The following ATF3 variants were observed in gnomAD, a reference collection of about 807,000 sequenced individuals.
ATF3 encodes activating transcription factor 3.
Under a neutral mutation model 18.4 loss-of-function variants are expected in ATF3, and 10 were observed. That is an observed-to-expected ratio of 0.54 (90% confidence interval 0.34 to 0.92). The LOEUF is 0.92. Among genes scored for constraint, ATF3 ranks in the 40% least tolerant of loss-of-function variants. ATF3 has a pLI of 0.02. For synonymous variants in ATF3, 78 were observed against 87.9 expected, an observed-to-expected ratio of 0.89 and a Z score of 0.63; for missense variants, 183 against 222.3, an observed-to-expected ratio of 0.82 and a Z score of 1.12.
chr1:212,605,256 A>ACTTTG (rs1654588172), upstream of ATF3, among the ~76,000 whole-genome samples: 1 of 152,236 alleles, frequency 6.6e-6, no homozygotes, highest in South Asian at 2.1e-4. Flanking sequence ...CCAGAATCCA[A>ACTTTG]GTGCCTTCCA....
At chr1:212,610,592 T>G (rs946314793) in intron 1 of ATF3, among the ~76,000 whole-genome samples, 1 of 152,226 alleles carries the variant, frequency 6.6e-6, no homozygotes, top group Non-Finnish European at 1.5e-5. Context: ...CCAGCATCTG[T>G]GGCAGTGATG....
intron 1 of ATF3, among the ~76,000 whole-genome samples, chr1:212,600,772 A>G (rs560724838): frequency 6.6e-6 from 1 of 152,316 alleles, no homozygotes; most frequent in East Asian, 1.9e-4. Flanking sequence ...ATGGGCTGTG[A>G]GCACCTGGAA....
Position 212,618,297 on chromosome 1 carries a change from C to A in ATF3, c.348+63C>A. On this transcript the variant is annotated intron_variant, in intron 3 of 3. Transcript: ENST00000341491. This position sits in a 1 kb window ranked among gnomAD's most constrained non-coding sequence, Gnocchi z 4.4. ...GCCTGTCTTCACCAGCTTCATGTGG[C>A]TATCAGAAGAAGAGTTAGAAAACCC... 1 of 1,520,668 alleles carries A rather than the reference C, an allele frequency of 6.6e-7. No individual in the cohort carries two copies. Among genetic ancestry groups the A allele is most frequent in the Non-Finnish European group, 9.1e-7 (1 of 1,095,598 alleles). The allele number at this position is 1,520,668 out of a possible 1,614,324, so 94.2% of individuals were successfully genotyped here.
At chr1:212,581,287 G>C (rs754012848) in intron 1 of ATF3, among the ~76,000 whole-genome samples, 38 of 152,306 alleles carry the variant, frequency 2.5e-4, no homozygotes, top group Non-Finnish European at 5.0e-4. Context: ...TGGGGTTTCT[G>C]CTCGTATGCT....
chr1:212,618,410 C>A lies in ATF3; in HGVS notation c.348+176C>A. 1.4e-6 allele frequency: 1 copy of A among 721,828 alleles called. No homozygotes were observed. The allele number at this position is 721,828 out of a possible 1,614,324, so 44.7% of individuals were successfully genotyped here. On this transcript the variant is annotated intron_variant, in intron 3 of 3. Coordinates refer to ENST00000341491, the MANE Select transcript of ATF3 (RefSeq NM_001674.4). The surrounding 1 kb of genome is among the most constrained non-coding windows in gnomAD (Gnocchi z 4.4). ...AATGAGGAGGTGGCAAAGCAGTTAA[C>A]ACAATGGATGTGACGGTGGATGTAT...
At chr1:212,565,851 T>A (rs954629746) in intron 1 of ATF3, among the ~76,000 whole-genome samples, 1 of 152,186 alleles carries the variant, frequency 6.6e-6, no homozygotes, top group Non-Finnish European at 1.5e-5. Flanking sequence ...ATACCACTAG[T>A]CAGTGCTGTA....
At position 212,618,923 on chromosome 1, in the gene ATF3, G is replaced by T. The variant is rs1190454559; in HGVS notation, c.349-435G>T. 1.6e-6 allele frequency: 2 copies of T among 1,271,190 alleles called. No individual in the cohort carries two copies. The highest frequency in any genetic ancestry group is 3.7e-5 in the Admixed American group (2 of 53,788). The allele number at this position is 1,271,190 out of a possible 1,614,324, so 78.7% of individuals were successfully genotyped here. On this transcript the variant is annotated intron_variant, in intron 3 of 3. Transcript: ENST00000341491. The surrounding 1 kb of genome is among the most constrained non-coding windows in gnomAD (Gnocchi z 4.4). ...AAAAGTTCTGTTGATTGCTTCAGGG[G>T]ATCAGTGAAAATTAGGGAATTTTGT...
intron 1 of ATF3, among the ~76,000 whole-genome samples, chr1:212,571,326 T>C (rs1664475667): frequency 6.6e-6 from 1 of 152,210 alleles, no homozygotes; most frequent in Non-Finnish European, 1.5e-5. Context: ...TGATTATGAT[T>C]TGAGGTAAAT....
intron 1 of ATF3, among the ~76,000 whole-genome samples, chr1:212,572,587 T>C (rs942415707): frequency 5.9e-5 from 9 of 152,242 alleles, no homozygotes; most frequent in Non-Finnish European, 1.3e-4. Flanking sequence ...GGTTGAACAT[T>C]AGAATGATTT....
chr1:212,615,297 A>G (rs997080444), intron 2 of ATF3, 36 bp downstream of exon 2: 7 of 1,606,114 alleles, frequency 4.4e-6, no homozygotes, highest in African/African-American at 1.3e-5. Context: ...CTTTCGGCAC[A>G]TGTTTCGCTC....
chr1:212,585,874 T>G (rs1190616714), intron 1 of ATF3, among the ~76,000 whole-genome samples: 1 of 152,146 alleles, frequency 6.6e-6, no homozygotes, highest in Non-Finnish European at 1.5e-5. Flanking sequence ...TCCATGGTTG[T>G]TGCTCTTTGT....
upstream of ATF3, among the ~76,000 whole-genome samples, chr1:212,608,231 G>C (rs542026455): frequency 6.6e-6 from 1 of 152,290 alleles, no homozygotes; most frequent in Non-Finnish European, 1.5e-5. Context: ...GTATTTTCCT[G>C]AAGCTCCAGA....
intron 1 of ATF3, among the ~76,000 whole-genome samples, chr1:212,571,775 A>G (rs1664487247): frequency 2.1e-5 from 3 of 139,558 alleles, no homozygotes; most frequent in East Asian, 2.2e-4. Context: ...GCAGTGGTGC[A>G]ATCTCGGCCC....
At chr1:212,596,513 T>A (rs1664997619) in intron 1 of ATF3, among the ~76,000 whole-genome samples, 3 of 152,228 alleles carry the variant, frequency 2.0e-5, no homozygotes, top group Admixed American at 1.3e-4. Flanking sequence ...ACACAGACAG[T>A]GACTCAGGTG....
intron 1 of ATF3, among the ~76,000 whole-genome samples, chr1:212,571,117 T>G (rs575052105): frequency 4.1e-4 from 62 of 152,342 alleles, no homozygotes; most frequent in African/African-American, 1.2e-3. Context: ...CAAATTTTTG[T>G]CCACATTTGG....
intron 1 of ATF3, among the ~76,000 whole-genome samples, chr1:212,593,519 G>T (rs1176269636): frequency 6.6e-6 from 1 of 151,888 alleles, no homozygotes; most frequent in Non-Finnish European, 1.5e-5. Flanking sequence ...AGGGTGGCTT[G>T]AGCCCAGGCA....
At chr1:212,572,452 G>T (rs1043666565) in intron 1 of ATF3, among the ~76,000 whole-genome samples, 1 of 152,192 alleles carries the variant, frequency 6.6e-6, no homozygotes, top group Non-Finnish European at 1.5e-5. Flanking sequence ...CCGGGAGGCG[G>T]AGGTTGCAGT....
intron 1 of ATF3, among the ~76,000 whole-genome samples, chr1:212,582,066 G>C (rs891698036): frequency 1.3e-5 from 2 of 152,150 alleles, no homozygotes; most frequent in Non-Finnish European, 2.9e-5. Context: ...CTCACTTACA[G>C]GATTGCAAAA....
At chr1:212,584,160 T>C (rs559513612) in intron 1 of ATF3, among the ~76,000 whole-genome samples, 2 of 148,564 alleles carry the variant, frequency 1.3e-5, no homozygotes, top group South Asian at 4.5e-4. Context: ...CTTCTTGATT[T>C]CTTATACCAA....
Sources: allele counts gnomAD v4.1 joint callset (sites outside exome capture counted in the v4.1 genomes callset), GRCh38; gene constraint gnomAD v4.1.1; non-coding constraint Gnocchi (gnomAD v3.1); transcripts MANE v1.5; gene names NCBI Gene and HGNC (gene_info 2026-07-23, HGNC 2026-07-21).